Variants in GLT1D1 observed in about 807,000 individuals in gnomAD.
GLT1D1 encodes glycosyltransferase 1 domain containing 1, also known as glycosyltransferase 1 domain-containing protein 1.
In GLT1D1, 21 loss-of-function variants were observed where a neutral mutation model predicts 28.7. The observed-to-expected ratio is 0.73, with a 90% CI of 0.52 to 1.05. The LOEUF is 1.05. Among genes scored for constraint, GLT1D1 ranks in the 50% least tolerant of loss-of-function variants. GLT1D1 has a pLI of 0.00. For synonymous variants in GLT1D1, 147 were observed against 124.8 expected, an observed-to-expected ratio of 1.18 and a Z score of -1.19; for missense variants, 343 against 330.6, an observed-to-expected ratio of 1.04 and a Z score of -0.29.
At chr12:128,874,357 T>C (rs939613470) in intron 1 of GLT1D1, among the ~76,000 whole-genome samples, 2 of 151,368 alleles carry the variant, frequency 1.3e-5, no homozygotes, top group Admixed American at 6.6e-5. Context: ...AATTTTTGTA[T>C]TTTTAGTAGA....
intron 4 of GLT1D1, among the ~76,000 whole-genome samples, chr12:128,913,169 C>T (rs544940659): frequency 6.6e-6 from 1 of 152,214 alleles, no homozygotes; most frequent in Admixed American, 6.5e-5. Flanking sequence ...CAATTCTGCC[C>T]CTATGGTGGC....
chr12:128,966,257 C>A (rs1283815712), intron 7 of GLT1D1, among the ~76,000 whole-genome samples: 1 of 152,226 alleles, frequency 6.6e-6, no homozygotes, highest in African/African-American at 2.4e-5. Flanking sequence ...TACCAGCCAG[C>A]ATCCCTGCCT....
chr12:128,901,328 C>G (rs901370318), intron 4 of GLT1D1, among the ~76,000 whole-genome samples: 1 of 152,056 alleles, frequency 6.6e-6, no homozygotes, highest in African/African-American at 2.4e-5. Context: ...CCTTGTTGGC[C>G]AGGCCAGTCT....
At chr12:128,878,721 C>T (rs1956931684) in intron 2 of GLT1D1, among the ~76,000 whole-genome samples, 1 of 152,122 alleles carries the variant, frequency 6.6e-6, no homozygotes, top group Admixed American at 6.6e-5. Flanking sequence ...AACCCTCCCA[C>T]CTCAGCCTCC....
chr12:128,962,840 T>C (rs1878103262), intron 7 of GLT1D1, among the ~76,000 whole-genome samples: 1 of 152,138 alleles, frequency 6.6e-6, no homozygotes, highest in African/African-American at 2.4e-5. Flanking sequence ...TAGCTGGGAC[T>C]ACAGGTGTGC....
In GLT1D1 at chr12:128,936,567, C is replaced by T. The variant is rs141796815; in HGVS notation, c.376-8759C>T. On this transcript the variant is annotated intron_variant, in intron 4 of 7. Coordinates refer to ENST00000281703, the MANE Select transcript of GLT1D1 (RefSeq NM_144669.3). ...GGTTTTCTATTAAAGCTTCTTTGAT[C>T]TCTTAGCTCAACCGTTTCAACGAAG... Among the ~76,000 whole-genome samples, 66 of 152,310 alleles carry T rather than the reference C, an allele frequency of 4.3e-4. No individual in the cohort carries two copies. In the East Asian group the frequency reaches 0.011, roughly 25 times the overall value.
At chr12:128,964,021 C>T (rs1878216874) in intron 7 of GLT1D1, among the ~76,000 whole-genome samples, 2 of 152,156 alleles carry the variant, frequency 1.3e-5, no homozygotes, top group South Asian at 2.1e-4. Context: ...AGATGGGCAC[C>T]TCATAGACAG....
intron 6 of GLT1D1, among the ~76,000 whole-genome samples, chr12:128,950,318 A>T (rs1238578602): frequency 6.6e-6 from 1 of 152,190 alleles, no homozygotes; most frequent in Non-Finnish European, 1.5e-5. Flanking sequence ...ATCTGAATTG[A>T]TTCTAATCAA....
At chr12:128,912,227 T>C (rs1041483375) in intron 4 of GLT1D1, among the ~76,000 whole-genome samples, 197 bp from the exon 5 acceptor site, 4 of 152,234 alleles carry the variant, frequency 2.6e-5, no homozygotes, top group African/African-American at 9.6e-5. Flanking sequence ...GTATTTTTAA[T>C]GGCAAAACCT....
intron 3 of GLT1D1, among the ~76,000 whole-genome samples, chr12:128,889,431 C>G (rs1366748287): frequency 6.6e-6 from 1 of 152,122 alleles, no homozygotes; most frequent in Non-Finnish European, 1.5e-5. Flanking sequence ...GGGCTTCTTA[C>G]AGGGGTCACT....
intron 7 of GLT1D1, among the ~76,000 whole-genome samples, chr12:128,966,291 T>C (rs1221942149): frequency 6.6e-6 from 1 of 152,204 alleles, no homozygotes; most frequent in Non-Finnish European, 1.5e-5. Flanking sequence ...GGTGGCTGGC[T>C]GCACTTGGAA....
intron 3 of GLT1D1, among the ~76,000 whole-genome samples, chr12:128,897,054 C>T (rs1869730150): frequency 6.6e-6 from 1 of 152,154 alleles, no homozygotes; most frequent in Non-Finnish European, 1.5e-5. Context: ...ATTTTTCTCA[C>T]CTTTGTCAAC....
At chr12:128,961,745 A>C (rs889880436) in intron 7 of GLT1D1, among the ~76,000 whole-genome samples, 2 of 152,208 alleles carry the variant, frequency 1.3e-5, no homozygotes, top group Non-Finnish European at 2.9e-5. Flanking sequence ...TTCAGTTCAC[A>C]GATTCAAATG....
intron 1 of GLT1D1, among the ~76,000 whole-genome samples, chr12:128,855,003 G>C (rs758210971): frequency 6.6e-6 from 1 of 152,082 alleles, no homozygotes; most frequent in Non-Finnish European, 1.5e-5. Context: ...GCAGTGAGGA[G>C]CCCTTTGTGT....
intron 1 of GLT1D1, among the ~76,000 whole-genome samples, chr12:128,864,649 G>A (rs994861369): frequency 6.6e-6 from 1 of 152,174 alleles, no homozygotes; most frequent in Non-Finnish European, 1.5e-5. Flanking sequence ...AGCCTGATTC[G>A]GGGAGGATGC....
At chr12:128,912,067 G>A (rs1871595876) in intron 4 of GLT1D1, among the ~76,000 whole-genome samples, 2 of 152,108 alleles carry the variant, frequency 1.3e-5, no homozygotes, top group South Asian at 2.1e-4. Context: ...ACGCAGGGGC[G>A]GGAGCTGCAT....
At chr12:128,957,313 G>A (rs942578772) in intron 6 of GLT1D1, among the ~76,000 whole-genome samples, 4 of 152,210 alleles carry the variant, frequency 2.6e-5, no homozygotes, top group South Asian at 4.1e-4. Context: ...TCAGACAAAC[G>A]ATTACAGCGT....
At chr12:128,853,767 C>G in intron 1 of GLT1D1, 118 bp downstream of exon 1, 5 of 669,282 alleles carry the variant, frequency 7.5e-6, no homozygotes, top group Non-Finnish European at 9.4e-6. Context: ...GGGGCCGTCC[C>G]GAGCCGCGCG....
chr12:128,879,225 G>T (rs1566095963), intron 2 of GLT1D1, among the ~76,000 whole-genome samples: 1 of 152,022 alleles, frequency 6.6e-6, no homozygotes, highest in Admixed American at 6.6e-5. Context: ...GTGTGCCATG[G>T]TGGTTTGCTG....
Sources: gnomAD v4.1 joint callset for allele counts (sites outside exome capture counted in the v4.1 genomes callset) on GRCh38, gnomAD v4.1.1 for gene constraint, MANE v1.5 for transcripts, NCBI Gene and HGNC (gene_info 2026-07-23, HGNC 2026-07-21) for gene names.